Variants in PTPRD observed in about 807,000 individuals in gnomAD.
PTPRD encodes protein tyrosine phosphatase receptor type D.
PTPRD carries 34 observed loss-of-function variants against 214.5 expected under a neutral mutation model. The ratio of observed to expected loss-of-function variants is 0.16; its 90% CI spans 0.12 to 0.21. The LOEUF (loss-of-function observed/expected upper bound fraction) is 0.21. Ranked by LOEUF, PTPRD falls within the 10% of genes least tolerant of loss-of-function variation. The pLI, the probability that PTPRD is intolerant of heterozygous loss-of-function variation, is 1.00. For synonymous variants in PTPRD, 1,128 were observed against 845.7 expected, an observed-to-expected ratio of 1.33 and a Z score of -5.79; for missense variants, 2,545 against 2,398.7, an observed-to-expected ratio of 1.06 and a Z score of -1.27.
intron 3 of PTPRD, among the ~76,000 whole-genome samples, chr9:10,074,694 GAA>G (rs890064473): frequency 6.6e-6 from 1 of 152,128 alleles, no homozygotes; most frequent in Admixed American, 6.6e-5. Context: ...TGATTTAGAG[GAA>G]AGAGTGGGCT....
chr9:10,038,516 T>A (rs1319226520), intron 3 of PTPRD, among the ~76,000 whole-genome samples: 2 of 152,248 alleles, frequency 1.3e-5, no homozygotes, highest in South Asian at 2.1e-4. Flanking sequence ...ACTTCTGATA[T>A]CTTATGTAGT....
intron 3 of PTPRD, among the ~76,000 whole-genome samples, chr9:10,247,368 A>T (rs1331390380): frequency 6.6e-6 from 1 of 152,208 alleles, no homozygotes; most frequent in East Asian, 1.9e-4. Flanking sequence ...AAATAAGAAG[A>T]TCCCTATTAA....
At chr9:10,179,923 T>G (rs2099272080) in intron 3 of PTPRD, among the ~76,000 whole-genome samples, 1 of 152,054 alleles carries the variant, frequency 6.6e-6, no homozygotes, top group Non-Finnish European at 1.5e-5. Context: ...TTTGATAATC[T>G]AGAATATTTC....
intron 9 of PTPRD, among the ~76,000 whole-genome samples, chr9:9,380,611 T>C (rs985053174): frequency 5.3e-5 from 8 of 152,178 alleles, no homozygotes; most frequent in Non-Finnish European, 1.0e-4. Context: ...GAATGTGGTC[T>C]ATCTTAGTAA....
intron 9 of PTPRD, among the ~76,000 whole-genome samples, chr9:9,393,521 A>G (rs1288730143): frequency 6.6e-6 from 1 of 152,156 alleles, no homozygotes; most frequent in Non-Finnish European, 1.5e-5. Flanking sequence ...GTTGCATGAG[A>G]TCCCTATTGA....
At chr9:10,552,867 T>C (rs1423226446) in intron 2 of PTPRD, among the ~76,000 whole-genome samples, 3 of 152,200 alleles carry the variant, frequency 2.0e-5, no homozygotes, top group Non-Finnish European at 2.9e-5. Context: ...AAAGGAAACC[T>C]ATTCTTGTCC....
intron 12 of PTPRD, among the ~76,000 whole-genome samples, chr9:8,702,690 TGCA>T (rs1470660998): frequency 6.6e-6 from 1 of 152,170 alleles, no homozygotes. Flanking sequence ...CTCGGCTCAC[TGCA>T]ACCTCCCGTG....
At chr9:9,657,444 G>A (rs1367269842) in intron 7 of PTPRD, among the ~76,000 whole-genome samples, 1 of 152,084 alleles carries the variant, frequency 6.6e-6, no homozygotes, top group African/African-American at 2.4e-5. Flanking sequence ...ACACACCGGG[G>A]GCCTGTCGAG....
At chr9:8,365,336 G>A (rs2079554510) in intron 39 of PTPRD, among the ~76,000 whole-genome samples, 1 of 152,178 alleles carries the variant, frequency 6.6e-6, no homozygotes, top group South Asian at 2.1e-4. Flanking sequence ...GATGTAAGGA[G>A]AGTTAAGAGC....
intron 8 of PTPRD, among the ~76,000 whole-genome samples, chr9:9,520,103 G>A (rs1420861060): frequency 6.6e-6 from 1 of 151,704 alleles, no homozygotes; most frequent in African/African-American, 2.4e-5. Flanking sequence ...GTACCTACTC[G>A]TACAAGAGAT....
At chr9:8,330,179 C>T (rs1838588797) in intron 44 of PTPRD, among the ~76,000 whole-genome samples, 1 of 152,120 alleles carries the variant, frequency 6.6e-6, no homozygotes, top group Admixed American at 6.5e-5. Flanking sequence ...CCACACCCTG[C>T]TTTAGCTCAC....
intron 11 of PTPRD, among the ~76,000 whole-genome samples, chr9:8,754,921 G>C (rs1307557630): frequency 6.6e-6 from 1 of 151,938 alleles, no homozygotes; most frequent in Non-Finnish European, 1.5e-5. Context: ...TCACAAAAGA[G>C]ATAACCCAGA....
At chr9:9,190,368 C>T (rs2099934362) in intron 9 of PTPRD, among the ~76,000 whole-genome samples, 1 of 152,018 alleles carries the variant, frequency 6.6e-6, no homozygotes, top group African/African-American at 2.4e-5. Context: ...ATTTCCCATG[C>T]TATTCTTGTG....
At chr9:9,192,215 T>A in intron 9 of PTPRD, among the ~76,000 whole-genome samples, 2 of 151,508 alleles carry the variant, frequency 1.3e-5, no homozygotes, top group East Asian at 3.9e-4. Flanking sequence ...AAATTTTATA[T>A]AGCAAAGATA....
chr9:10,493,569 C>G (rs895507013), intron 2 of PTPRD, among the ~76,000 whole-genome samples: 5 of 152,010 alleles, frequency 3.3e-5, no homozygotes, highest in Admixed American at 3.3e-4. Context: ...AAACTGGACC[C>G]CTTCCTTACA....
At chr9:9,532,822 C>T (rs941940804) in intron 8 of PTPRD, among the ~76,000 whole-genome samples, 1 of 152,148 alleles carries the variant, frequency 6.6e-6, no homozygotes, top group African/African-American at 2.4e-5. Flanking sequence ...GTACTTACAA[C>T]TGTCAAATTA....
intron 9 of PTPRD, among the ~76,000 whole-genome samples, chr9:9,306,049 C>T (rs941948018): frequency 4.6e-5 from 7 of 152,100 alleles, no homozygotes; most frequent in African/African-American, 1.4e-4. Flanking sequence ...GTCATAACAC[C>T]AGTACAGAGT....
chr9:10,421,703 C>T (rs958026757), intron 2 of PTPRD, among the ~76,000 whole-genome samples: 2 of 151,906 alleles, frequency 1.3e-5, no homozygotes, highest in African/African-American at 4.8e-5. Context: ...TTCTACCTAT[C>T]AATATCAGTA....
chr9:9,403,680 T>C (rs2071945294), intron 8 of PTPRD, among the ~76,000 whole-genome samples: 1 of 152,104 alleles, frequency 6.6e-6, no homozygotes, highest in Admixed American at 6.6e-5. Flanking sequence ...TATTAATTTT[T>C]TTATTAATTA....
Sources: gnomAD v4.1 joint callset for allele counts (sites outside exome capture counted in the v4.1 genomes callset) on GRCh38, gnomAD v4.1.1 for gene constraint, MANE v1.5 for transcripts, NCBI Gene and HGNC (gene_info 2026-07-23, HGNC 2026-07-21) for gene names.